The following SYN3 variants were observed in gnomAD, a reference collection of about 807,000 sequenced individuals.
The protein encoded by SYN3 is synapsin III, also known as synapsin-3.
Under a neutral mutation model 65.8 loss-of-function variants are expected in SYN3, and 35 were observed. The ratio of observed to expected loss-of-function variants is 0.53; its 90% confidence interval spans 0.41 to 0.70. SYN3 has a LOEUF of 0.70. Ranked by LOEUF, SYN3 falls within the 30% of genes least tolerant of loss-of-function variation. SYN3 has a pLI of 0.00. For synonymous variants in SYN3, 270 were observed against 292.9 expected (o/e 0.92, Z 0.80); for missense variants, 680 against 749.0 (o/e 0.91, Z 1.08).
chr22:32,897,582 A>G (rs1383775645), intron 4 of SYN3, among the ~76,000 whole-genome samples: 1 of 152,200 alleles, frequency 6.6e-6, no homozygotes, highest in Non-Finnish European at 1.5e-5. Context: ...CTATAGCTAG[A>G]TGATCTAGGT....
intron 6 of SYN3, among the ~76,000 whole-genome samples, chr22:32,728,309 T>C (rs2061224649): frequency 6.6e-6 from 1 of 152,170 alleles, no homozygotes; most frequent in Admixed American, 6.5e-5. Flanking sequence ...GAAGTTTAAT[T>C]GCCTATTTCT....
intron 7 of SYN3, among the ~76,000 whole-genome samples, chr22:32,565,403 A>T (rs182784255): frequency 7.2e-5 from 11 of 152,236 alleles, no homozygotes; most frequent in Non-Finnish European, 1.3e-4. Context: ...AGGTGAACAT[A>T]ATTTTAATAG....
intron 6 of SYN3, among the ~76,000 whole-genome samples, chr22:32,644,224 A>G (rs1210604446): frequency 6.6e-6 from 1 of 152,094 alleles, no homozygotes; most frequent in African/African-American, 2.4e-5. Flanking sequence ...GCTAGGCAGG[A>G]CATACAAAAT....
intron 6 of SYN3, among the ~76,000 whole-genome samples, chr22:32,763,936 C>T: frequency 5.6e-5 from 1 of 17,860 alleles, no homozygotes; most frequent in African/African-American, 1.5e-3. Context: ...TGTAGAAGCC[C>T]CCCCCCCCTT....
chr22:32,982,015 T>C (rs898583173), intron 2 of SYN3, among the ~76,000 whole-genome samples: 2 of 152,202 alleles, frequency 1.3e-5, no homozygotes, highest in Admixed American at 6.5e-5. Context: ...TTAAAGACTT[T>C]AGAAAATACA....
chr22:32,720,347 G>A (rs984727143), intron 6 of SYN3, among the ~76,000 whole-genome samples: 4 of 152,210 alleles, frequency 2.6e-5, no homozygotes, highest in Non-Finnish European at 4.4e-5. Context: ...CAGTTTATGT[G>A]TCTCTTCTCA....
At position 32,508,031 on chromosome 22, in the gene SYN3, ATTTTG is replaced by A. The variant is rs933718384; in HGVS notation, c.*5656_*5660del. On this transcript the variant is annotated 3_prime_UTR_variant, in exon 14 of 14. Coordinates refer to ENST00000358763, the MANE Select transcript of SYN3 (RefSeq NM_003490.4). ...TTCGTCGCCCCAACACTTCAACACT[ATTTTG>A]TTTTATTTTTCTTATTAATATAAGA... Among the ~76,000 whole-genome samples, 70 of 151,896 alleles carry A rather than the reference ATTTTG, an allele frequency of 4.6e-4. No individual in the cohort carries two copies. The highest frequency in any genetic ancestry group is 1.5e-3 in the African/African-American group (62 of 41,406).
intron 6 of SYN3, among the ~76,000 whole-genome samples, chr22:32,735,154 T>A (rs1008720906): frequency 6.6e-6 from 1 of 152,180 alleles, no homozygotes; most frequent in Non-Finnish European, 1.5e-5. Context: ...TCTGTGTGTG[T>A]TGAGGGGCAG....
At chr22:33,053,832 G>C (rs533596015) in intron 1 of SYN3, among the ~76,000 whole-genome samples, 1 of 152,292 alleles carries the variant, frequency 6.6e-6, no homozygotes, top group South Asian at 2.1e-4. Context: ...AACTCCATGA[G>C]ATTAGAGCCA....
chr22:32,636,736 G>T (rs67485432), intron 6 of SYN3, among the ~76,000 whole-genome samples: 26,612 of 152,082 alleles, frequency 0.17, 3,050 homozygotes, highest in South Asian at 0.36. Flanking sequence ...AGAGAAACAG[G>T]CTCTCTAAAG....
intron 6 of SYN3, among the ~76,000 whole-genome samples, chr22:32,601,112 G>C (rs1711801208): frequency 6.6e-6 from 1 of 152,216 alleles, no homozygotes; most frequent in Non-Finnish European, 1.5e-5. Flanking sequence ...TTCATTGCTA[G>C]AAATTGTGGA....
rs61464794 is a variant in SYN3 at position 32,869,367 on chromosome 22, T to TCTCTCTCTCTCTCTCTCTCTCA, written c.462-243_462-242insTGAGAGAGAGAGAGAGAGAGAG. On this transcript the variant is annotated intron_variant, in intron 4 of 13. Coordinates refer to ENST00000358763, the MANE Select transcript of SYN3 (RefSeq NM_003490.4). ...CTCTCTCTCTCTCTCTCTCTCTCTC[T>TCTCTCTCTCTCTCTCTCTCTCA]CACAGGCTCTTTCCTAAATTCCCTG... Among the ~76,000 whole-genome samples, 104 of 142,444 alleles carry TCTCTCTCTCTCTCTCTCTCTCA rather than the reference T, an allele frequency of 7.3e-4. 1 individual carries two copies. The highest frequency in any genetic ancestry group is 2.2e-3 in the African/African-American group (83 of 37,852). The allele number at this position is 142,444 out of a possible 152,430, so 93.4% of individuals were successfully genotyped here.
intron 1 of SYN3, among the ~76,000 whole-genome samples, chr22:33,022,612 G>T (rs2053578482): frequency 6.6e-6 from 1 of 152,168 alleles, no homozygotes; most frequent in South Asian, 2.1e-4. Context: ...CAGACAAGAA[G>T]AATTTGGGCT....
At chr22:32,971,343 A>C (rs1053050833) in intron 3 of SYN3, among the ~76,000 whole-genome samples, 3 of 152,180 alleles carry the variant, frequency 2.0e-5, no homozygotes, top group African/African-American at 7.2e-5. Flanking sequence ...AAAGGCCTCC[A>C]TGGAGACCTG....
At chr22:32,856,432 C>T (rs1362404196) in intron 6 of SYN3, among the ~76,000 whole-genome samples, 3 of 152,058 alleles carry the variant, frequency 2.0e-5, no homozygotes, top group Non-Finnish European at 1.5e-5. Context: ...AGATCAGTGA[C>T]CGGCCACTGG....
At chr22:32,803,147 G>A (rs1236209452) in intron 6 of SYN3, among the ~76,000 whole-genome samples, 1 of 152,152 alleles carries the variant, frequency 6.6e-6, no homozygotes, top group East Asian at 1.9e-4. Context: ...GGCTCTGCTG[G>A]GAGAGTGTGT....
chr22:32,991,958 G>A (rs1305415981), intron 2 of SYN3, among the ~76,000 whole-genome samples: 1 of 152,234 alleles, frequency 6.6e-6, no homozygotes, highest in East Asian at 1.9e-4. Context: ...TCTGCCCAGA[G>A]CCCTGCCTCC....
chr22:32,516,318 G>A (rs2057773717), intron 13 of SYN3, among the ~76,000 whole-genome samples: 1 of 151,604 alleles, frequency 6.6e-6, no homozygotes, highest in Admixed American at 6.6e-5. Context: ...GAATGGGGCG[G>A]GAACGAGGCT....
intron 6 of SYN3, among the ~76,000 whole-genome samples, chr22:32,665,043 G>C: frequency 8.4e-6 from 1 of 119,252 alleles, no homozygotes; most frequent in Non-Finnish European, 1.6e-5. Flanking sequence ...CTGTCACCCA[G>C]GTTAGAGTGC....
Sources: allele counts gnomAD v4.1 joint callset (sites outside exome capture counted in the v4.1 genomes callset), GRCh38; gene constraint gnomAD v4.1.1; transcripts MANE v1.5; gene names NCBI Gene and HGNC (gene_info 2026-07-23, HGNC 2026-07-21).